The following NF1 variants were observed in gnomAD, a reference collection of about 807,000 sequenced individuals.
The protein encoded by NF1 is neurofibromin 1.
A neutral mutation model predicts 325.7 loss-of-function variants in NF1; 122 were observed. That is an observed-to-expected ratio of 0.37 (90% confidence interval 0.32 to 0.44). NF1 has a LOEUF of 0.44. Ranked by LOEUF, NF1 falls within the 20% of genes least tolerant of loss-of-function variation. The probability of loss-of-function intolerance (pLI) is 1.00; values close to 1 mark genes in which losing one functional copy is unlikely to be tolerated. For synonymous variants in NF1, 1,091 were observed against 1,186.0 expected (o/e 0.92, Z 1.65); for missense variants, 2,140 against 3,415.4 (o/e 0.63, Z 9.31).
chr17:31,269,637 A>T (rs928656420), intron 36 of NF1, among the ~76,000 whole-genome samples: 14 of 152,206 alleles, frequency 9.2e-5, no homozygotes, highest in African/African-American at 3.1e-4. Flanking sequence ...CATCTGCAGA[A>T]CATCTGTCTT....
At position 31,163,395 on chromosome 17, in the gene NF1, A is replaced by G. The variant is rs1315418344; in HGVS notation, c.479+19A>G. The G allele has an allele frequency of 5.0e-6, 8 of 1,609,228 alleles. No individual in the cohort carries two copies. Among genetic ancestry groups the G allele is most frequent in the East Asian group, 4.5e-5 (2 of 44,874 alleles). ...CTACCAGGTTAGTGTGTAAATCCACATGGGACTACTGAAGTAATATGAATA... is the reference window on the plus strand; with the variant it reads ...CTACCAGGTTAGTGTGTAAATCCACGTGGGACTACTGAAGTAATATGAATA... On this transcript the variant is annotated intron_variant, in intron 4 of 57. Coordinates refer to ENST00000358273, the MANE Select transcript of NF1 (RefSeq NM_001042492.3).
intron 29 of NF1, among the ~76,000 whole-genome samples, chr17:31,240,723 C>T (rs1340724489): frequency 6.6e-6 from 1 of 152,126 alleles, no homozygotes. Flanking sequence ...CCTTTTCTCA[C>T]TTTTCTCCTT....
At chr17:31,365,933 A>ATTTT (rs1219842483) in intron 57 of NF1, among the ~76,000 whole-genome samples, 1 of 139,962 alleles carries the variant, frequency 7.1e-6, no homozygotes, top group Non-Finnish European at 1.6e-5. Flanking sequence ...GATCTATTTA[A>ATTTT]TTTTTTTTTT....
intron 36 of NF1, among the ~76,000 whole-genome samples, chr17:31,285,940 A>T (rs987192986): frequency 1.3e-5 from 2 of 152,226 alleles, no homozygotes; most frequent in Non-Finnish European, 2.9e-5. Flanking sequence ...CAACCTGACT[A>T]CTTTGAAGAA....
intron 1 of NF1, among the ~76,000 whole-genome samples, chr17:31,116,363 T>G (rs1185503521): frequency 6.6e-6 from 1 of 152,148 alleles, no homozygotes; most frequent in African/African-American, 2.4e-5. Context: ...GGTTAGCAAT[T>G]TTTATGCTAA....
chr17:31,245,505 G>A (rs372637036), intron 29 of NF1, among the ~76,000 whole-genome samples: 13 of 152,310 alleles, frequency 8.5e-5, no homozygotes, highest in African/African-American at 2.9e-4. Flanking sequence ...ACAAGCCCCA[G>A]GTTGTTACCT....
At chr17:31,218,780 C>G (rs1012656350) in intron 13 of NF1, among the ~76,000 whole-genome samples, 3 of 152,034 alleles carry the variant, frequency 2.0e-5, no homozygotes, top group South Asian at 2.1e-4. Context: ...CCATATTGGT[C>G]AGGCTGGTCT....
intron 57 of NF1, among the ~76,000 whole-genome samples, chr17:31,371,226 T>C (rs1485603644): frequency 6.6e-6 from 1 of 152,178 alleles, no homozygotes; most frequent in Non-Finnish European, 1.5e-5. Flanking sequence ...TGAATAATAA[T>C]GATCTTTACC....
intron 32 of NF1, 121 bp from the exon 33 acceptor site, chr17:31,258,911 A>G: frequency 3.1e-6 from 2 of 642,812 alleles, no homozygotes; most frequent in Non-Finnish European, 5.3e-6. Flanking sequence ...GGAATGTTTG[A>G]TTTTTAAGTA....
At chr17:31,360,782 A>G in intron 57 of NF1, 79 bp downstream of exon 57, 8 of 1,340,712 alleles carry the variant, frequency 6.0e-6, no homozygotes, top group Non-Finnish European at 8.6e-6. Flanking sequence ...TGATCAGTTT[A>G]TAGCAAATTT....
At chr17:31,191,289 T>TA (rs1411843043) in intron 8 of NF1, among the ~76,000 whole-genome samples, 3 of 152,058 alleles carry the variant, frequency 2.0e-5, no homozygotes, top group Non-Finnish European at 4.4e-5. Context: ...AATATGAAAA[T>TA]AAAAAATCAC....
Position 31,229,879 on chromosome 17 carries a change from A to G in NF1, c.2895A>G (p.Ile965Met), listed in dbSNP as rs1597716325. The change falls in exon 22 of 58, where the codon ATA becomes ATG. Residue 965 changes from isoleucine to methionine, a missense_variant. Around this residue, in one of 10 missense-constraint regions of NF1, gnomAD observed 380 missense variants for 639.3 expected, o/e 0.59. Transcript: ENST00000358273. ...ATACTCAATTTGTAGAACAAACCAT[A>G]GCTATAATGAAGAACTTGCTAGATA... ...DTNTQFVEQT[I>M]AIMKNLLDNH... The G allele has an allele frequency of 6.2e-7, 1 of 1,611,826 alleles. No homozygotes were observed. The highest frequency in any genetic ancestry group is 8.5e-7 in the Non-Finnish European group (1 of 1,179,704).
intron 31 of NF1, among the ~76,000 whole-genome samples, chr17:31,255,917 A>G (rs2151459334): frequency 6.6e-6 from 1 of 152,332 alleles, no homozygotes; most frequent in Middle Eastern, 3.4e-3. Context: ...GTTTCACAGC[A>G]GGTTAACATT....
At chr17:31,127,859 T>G (rs951649374) in intron 1 of NF1, among the ~76,000 whole-genome samples, 1 of 152,194 alleles carries the variant, frequency 6.6e-6, no homozygotes, top group African/African-American at 2.4e-5. Context: ...GTGCATCTGT[T>G]GAGGGCTTTT....
chr17:31,326,160 C>G lies in NF1; in HGVS notation c.5176C>G (p.Leu1726Val), dbSNP rs2151538806. Residue 1726 changes from leucine to valine, a missense_variant, in exon 37 of 58, where the codon CTA becomes GTA. Leu to Val is a conservative substitution (Grantham distance 32, BLOSUM62 1). Around this residue, in one of 10 missense-constraint regions of NF1, gnomAD observed 147 missense variants for 186.7 expected, o/e 0.79. Coordinates refer to ENST00000358273, the MANE Select transcript of NF1 (RefSeq NM_001042492.3). ...AEHIEHEQQK[L>V]PAATLALEED... ...GCACATAGAGCATGAACAACAGAAACTACCTGCTGCCACCTTGGCTTTAGA... is the reference window on the plus strand; with the variant it reads ...GCACATAGAGCATGAACAACAGAAAGTACCTGCTGCCACCTTGGCTTTAGA... 1 of 1,612,886 alleles carries G rather than the reference C, an allele frequency of 6.2e-7. No homozygotes were observed. The highest frequency in any genetic ancestry group is 8.5e-7 in the Non-Finnish European group (1 of 1,179,426).
chr17:31,165,774 C>T (rs1017029692), intron 4 of NF1, among the ~76,000 whole-genome samples: 13 of 152,134 alleles, frequency 8.5e-5, no homozygotes, highest in East Asian at 1.9e-4. Flanking sequence ...ACTGCAGCCT[C>T]GACCTCCTGG....
intron 39 of NF1, 145 bp downstream of exon 39, chr17:31,330,643 G>T: frequency 1.5e-6 from 1 of 660,024 alleles, no homozygotes; most frequent in South Asian, 2.1e-5. Context: ...GTGGTATCCT[G>T]TAACTGAAGG....
At chr17:31,213,542 A>G (rs1303409443) in intron 12 of NF1, among the ~76,000 whole-genome samples, 4 of 152,138 alleles carry the variant, frequency 2.6e-5, no homozygotes, top group African/African-American at 9.7e-5. Flanking sequence ...TCTGTATTAT[A>G]TATATGTTTA....
chr17:31,134,202 T>A (rs527289868), intron 1 of NF1, among the ~76,000 whole-genome samples: 1 of 152,230 alleles, frequency 6.6e-6, no homozygotes, highest in Non-Finnish European at 1.5e-5. Context: ...TTTAGAGTTA[T>A]ATTTAAGCTC....
Sources: gnomAD v4.1 joint callset for allele counts (sites outside exome capture counted in the v4.1 genomes callset) on GRCh38, gnomAD v4.1.1 for gene constraint, gnomAD v4.1.1 regional missense constraint, MANE v1.5 for transcripts, NCBI Gene and HGNC (gene_info 2026-07-23, HGNC 2026-07-21) for gene names.